The following OSMR variants were observed in gnomAD, a reference collection of about 807,000 sequenced individuals.
OSMR encodes the protein oncostatin-M-specific receptor subunit beta.
In OSMR, 81 loss-of-function variants were observed where a neutral mutation model predicts 99.9. That is an observed-to-expected ratio of 0.81 (90% confidence interval 0.68 to 0.97). The LOEUF (loss-of-function observed/expected upper bound fraction) is 0.97, where lower values mean the gene tolerates loss of function less well. OSMR is among the 50% of genes least tolerant of loss of function. OSMR has a pLI of 0.00. For missense variants in OSMR, 1,099 were observed against 1,153.4 expected (o/e 0.95, Z 0.68); for synonymous variants, 406 against 410.4 (o/e 0.99, Z 0.13).
At chr5:38,939,157 T>C (rs913951969), downstream of OSMR, 3 of 232,926 alleles carry the variant, frequency 1.3e-5, no homozygotes, top group Non-Finnish European at 2.5e-5. Flanking sequence ...ATAAAAGGCA[T>C]CCTCTGAATG....
chr5:38,852,753 C>T (rs1458310571), intron 1 of OSMR, among the ~76,000 whole-genome samples: 6 of 42,284 alleles, frequency 1.4e-4, no homozygotes, highest in Admixed American at 8.1e-4. Context: ...TTTTTTGAGA[C>T]GGAGTCTCAC....
At chr5:38,855,692 C>T (rs1579622840) in intron 1 of OSMR, among the ~76,000 whole-genome samples, 1 of 151,520 alleles carries the variant, frequency 6.6e-6, no homozygotes, top group South Asian at 2.1e-4. Context: ...GCACTAACCC[C>T]CCCAACCCCC....
intron 15 of OSMR, 119 bp downstream of exon 15, chr5:38,925,490 C>T (rs999117081): frequency 2.4e-6 from 2 of 840,760 alleles, no homozygotes; most frequent in African/African-American, 3.3e-5. Context: ...TTCTCCCCTT[C>T]TCACCTCCCT....
Position 38,869,103 on chromosome 5 carries a change from C to G in OSMR, c.59C>G (p.Thr20Ser). 2 of 1,611,092 alleles carry G rather than the reference C, an allele frequency of 1.2e-6. No homozygotes were observed. The highest frequency in any genetic ancestry group is 1.7e-6 in the Non-Finnish European group (2 of 1,177,270). Residue 20 changes from threonine to serine, a missense_variant, in exon 2 of 18, where the codon ACT (threonine) becomes AGT (serine). By Grantham distance (58) the Thr-to-Ser change is moderately conservative. Transcript: ENST00000274276. ...TTCTTAACATTGCTGTCCTTGAGGA[C>G]TTACCAGAGTGAAGGTAAGAAGTGG... is the stretch of plus-strand genomic sequence containing the variant. ...TFFLTLLSLRTYQSEVLAERL... is the reference protein window; with the variant it reads ...TFFLTLLSLRSYQSEVLAERL...
At chr5:38,856,783 G>A (rs1740887838) in intron 1 of OSMR, among the ~76,000 whole-genome samples, 1 of 152,094 alleles carries the variant, frequency 6.6e-6, no homozygotes, top group African/African-American at 2.4e-5. Context: ...CTGGGACTAG[G>A]GGCACGTGCC....
In OSMR at chr5:38,876,381, A is replaced by T. The variant is rs973151243; in HGVS notation, c.246+8A>T. ...TCCAATGTCATCTGGGTGGTAAGTA[A>T]TTTTTTTGGCTCAATATTTAAAAAA... On this transcript the variant is annotated splice_region_variant and intron_variant, in intron 3 of 17. Coordinates refer to ENST00000274276, the MANE Select transcript of OSMR (RefSeq NM_003999.3). 1.4e-5 allele frequency: 22 copies of T among 1,609,904 alleles called. No individual in the cohort carries two copies. The highest frequency in any genetic ancestry group is 1.9e-5 in the Non-Finnish European group (22 of 1,177,026).
At chr5:38,945,471 G>A, downstream of OSMR, 2 of 1,513,742 alleles carry the variant, frequency 1.3e-6, no homozygotes, top group South Asian at 1.1e-5. Context: ...TTTTTCTGAA[G>A]GTGGGACGTG....
chr5:38,886,471 C>A, intron 7 of OSMR: 1 of 580,526 alleles, frequency 1.7e-6, no homozygotes, highest in Non-Finnish European at 2.6e-6. Context: ...TGTAACGCCC[C>A]CACCTTCGCT....
At chr5:38,909,262 G>C (rs1745425663) in intron 9 of OSMR, among the ~76,000 whole-genome samples, 1 of 152,168 alleles carries the variant, frequency 6.6e-6, no homozygotes. Context: ...TTGAAAGAGA[G>C]GCAGAGAAGG....
intron 9 of OSMR, among the ~76,000 whole-genome samples, chr5:38,906,809 A>C (rs1745266982): frequency 6.6e-6 from 1 of 152,232 alleles, no homozygotes; most frequent in African/African-American, 2.4e-5. Context: ...GTTCCAAAAC[A>C]GTTCTTCTTT....
rs200933850 is a variant in OSMR at position 38,876,335 on chromosome 5, C to T, written c.208C>T (p.Gln70Ter). Residue 70 changes from glutamine to a stop codon, truncating the protein, a stop_gained, in exon 3 of 18, where the codon CAG (glutamine) becomes TAG (stop). Coordinates refer to ENST00000274276, the MANE Select transcript of OSMR (RefSeq NM_003999.3). LOFTEE classifies it high-confidence loss of function. ...HQELKMVFQI[Q>*]ISRIETSNVI... The stretch of plus-strand genomic sequence containing the variant: ...GGAATTGAAAATGGTATTTCAGATC[C>T]AGATCAGTAGGATTGAAACATCCAA... 34 of 1,613,248 alleles carry T rather than the reference C, an allele frequency of 2.1e-5. No homozygotes were observed. The highest frequency in any genetic ancestry group is 2.9e-5 in the Non-Finnish European group (34 of 1,179,538).
At chr5:38,937,365 A>G (rs1747098306), downstream of OSMR, among the ~76,000 whole-genome samples, 1 of 152,218 alleles carries the variant, frequency 6.6e-6, no homozygotes, top group South Asian at 2.1e-4. This position sits in a 1 kb window ranked among gnomAD's most constrained non-coding sequence, Gnocchi z 4.0. Context: ...TGACATACAC[A>G]GTGGAAGACA....
chr5:38,884,018 C>T lies in OSMR; in HGVS notation c.610C>T (p.Pro204Ser). 1 of 1,613,286 alleles carries T rather than the reference C, an allele frequency of 6.2e-7. No homozygotes were observed. Among genetic ancestry groups the T allele is most frequent in the South Asian group, 1.1e-5 (1 of 91,062 alleles). ...AACTGCATTCAACTTGAATAGTGTG[C>T]CTTTCATTAGGAATAAAGGGACAAA... ...HVTAFNLNSV[P>S]FIRNKGTNIY... is the part of the protein sequence containing the mutation. Residue 204 changes from proline (P) to serine (S), a missense_variant, in exon 5 of 18, where the codon CCT becomes TCT. Coordinates refer to ENST00000274276, the MANE Select transcript of OSMR (RefSeq NM_003999.3).
At chr5:38,875,585 A>G (rs1295621703) in intron 2 of OSMR, among the ~76,000 whole-genome samples, 1 of 152,230 alleles carries the variant, frequency 6.6e-6, no homozygotes, top group Non-Finnish European at 1.5e-5. Flanking sequence ...TGATTATTTC[A>G]TATGAGTTCA....
At chr5:38,939,107 T>C (rs79483477), downstream of OSMR, 941 of 233,066 alleles carry the variant, frequency 4.0e-3, 10 homozygotes, top group African/African-American at 0.019. Context: ...GACAGACAAT[T>C]TGGTTTTTAT....
intron 12 of OSMR, 39 bp from the exon 13 acceptor site, chr5:38,923,111 C>A: frequency 6.2e-7 from 1 of 1,611,040 alleles, no homozygotes; most frequent in Non-Finnish European, 8.5e-7. Flanking sequence ...TAGGAAACAT[C>A]ATTCTGTTAT....
rs151239241 is a variant in OSMR, at chr5:38,849,156, A to G, written c.-14+2769A>G. ...ATATTGATGGACATTCAGCATTAGC[A>G]ACGTTGCTTCAGAGCAGATCACACA... On this transcript the variant is annotated intron_variant, in intron 1 of 17. Transcript: ENST00000274276. Among the ~76,000 whole-genome samples, 429 of 152,324 alleles carry G rather than the reference A, an allele frequency of 2.8e-3. 2 individuals are homozygous for G. The highest frequency in any genetic ancestry group is 0.01 in the African/African-American group (418 of 41,570).
At chr5:38,945,325 C>A (rs956390171), downstream of OSMR, 2 of 621,738 alleles carry the variant, frequency 3.2e-6, no homozygotes, top group South Asian at 4.1e-5. Context: ...GACCTGGAAC[C>A]GTGAGAGGAT....
intron 1 of OSMR, among the ~76,000 whole-genome samples, chr5:38,862,396 T>G (rs569364592): frequency 7.9e-5 from 1 of 12,618 alleles, no homozygotes; most frequent in East Asian, 6.8e-3. Context: ...ACCTCCCGGA[T>G]GGGGCGGCTG....
Sources: gnomAD v4.1 joint callset for allele counts (sites outside exome capture counted in the v4.1 genomes callset) on GRCh38, gnomAD v4.1.1 for gene constraint, Gnocchi (gnomAD v3.1) non-coding constraint, MANE v1.5 for transcripts, NCBI Gene and HGNC (gene_info 2026-07-23, HGNC 2026-07-21) for gene names.